Variants in DNAH14 observed in about 807,000 individuals in gnomAD.
The protein encoded by DNAH14 is dynein axonemal heavy chain 14.
DNAH14 carries 478 observed loss-of-function variants against 520.9 expected under a neutral mutation model. That is an observed-to-expected ratio of 0.92 (90% CI 0.85 to 0.99). The LOEUF is 0.99. Among genes scored for constraint, DNAH14 ranks in the 50% least tolerant of loss-of-function variants. The pLI is 0.00. For synonymous variants in DNAH14, 1,581 were observed against 1,757.2 expected (o/e 0.90, Z 2.51); for missense variants, 4,831 against 5,234.5 (o/e 0.92, Z 2.38).
Position 225,152,751 on chromosome 1 carries a change from G to A in DNAH14, c.5064G>A (p.Val1688=), listed in dbSNP as rs1200003533. The A allele has an allele frequency of 6.4e-7, 1 of 1,551,288 alleles. No homozygotes were observed. The highest frequency in any genetic ancestry group is 8.7e-7 in the Non-Finnish European group (1 of 1,146,790). The change falls in exon 33 of 86, where the codon GTG becomes GTA. Residue 1688 remains valine (V), a synonymous_variant. Transcript: ENST00000682510. ...PDNLKSLFRP[V]AMMVPHYQMI... is the part of the protein sequence containing the mutation. The stretch of plus-strand genomic sequence containing the variant: ...ACTTAAAATCTCTGTTTCGCCCAGT[G>A]GCAATGATGGTGCCCCATTATCAAA...
chr1:225,258,488 CTATCTTTTACCAT>C (rs1198977952), intron 45 of DNAH14, among the ~76,000 whole-genome samples: 1 of 152,118 alleles, frequency 6.6e-6, no homozygotes, highest in Non-Finnish European at 1.5e-5. Context: ...TAAGATTTTT[CTATCTTTTACCAT>C]TATCAAAATA....
intron 34 of DNAH14, among the ~76,000 whole-genome samples, chr1:225,154,371 T>C (rs2080822432): frequency 6.6e-6 from 1 of 152,118 alleles, no homozygotes; most frequent in Admixed American, 6.5e-5. Flanking sequence ...TTGGGCAAGC[T>C]GGTCCTAAAG....
At chr1:225,223,171 A>G (rs1414919414) in intron 41 of DNAH14, among the ~76,000 whole-genome samples, 3 of 152,204 alleles carry the variant, frequency 2.0e-5, no homozygotes, top group Non-Finnish European at 4.4e-5. Flanking sequence ...GTCTTAGGCA[A>G]GCGACATTAG....
chr1:225,188,985 G>A (rs567000802), intron 37 of DNAH14, among the ~76,000 whole-genome samples: 3 of 151,928 alleles, frequency 2.0e-5, no homozygotes, highest in African/African-American at 7.2e-5. Flanking sequence ...ATGGTGCTGA[G>A]TTTGATAAAT....
intron 17 of DNAH14, among the ~76,000 whole-genome samples, chr1:225,074,417 G>A (rs958481637): frequency 1.3e-5 from 2 of 152,208 alleles, no homozygotes; most frequent in East Asian, 1.9e-4. Context: ...ACTTAATGAA[G>A]CAGTCTGGTC....
chr1:225,259,050 G>T (rs1393348335), intron 45 of DNAH14, 71 bp from the exon 46 acceptor site: 41 of 1,384,168 alleles, frequency 3.0e-5, no homozygotes, highest in Non-Finnish European at 3.6e-5. Flanking sequence ...AATGTTATTG[G>T]TTCATTTTAA....
chr1:225,035,141 G>C (rs1208788474), intron 11 of DNAH14, among the ~76,000 whole-genome samples: 1 of 151,962 alleles, frequency 6.6e-6, no homozygotes, highest in African/African-American at 2.4e-5. Flanking sequence ...TTAGTGGCAG[G>C]TAGGTTGTAT....
intron 50 of DNAH14, 41 bp downstream of exon 50, chr1:225,270,907 C>T (rs1156732883): frequency 2.0e-6 from 3 of 1,518,062 alleles, no homozygotes; most frequent in East Asian, 4.9e-5. Flanking sequence ...AAAATTAATT[C>T]CCTAGAATAA....
At chr1:225,259,311 A>AT in intron 46 of DNAH14, 58 bp downstream of exon 46, 1 of 1,219,606 alleles carries the variant, frequency 8.2e-7, no homozygotes, top group Non-Finnish European at 1.1e-6. Flanking sequence ...GTGCTTTAAT[A>AT]TATAAATATG....
At chr1:225,149,858 C>T (rs1163070942) in intron 31 of DNAH14, among the ~76,000 whole-genome samples, 1 of 152,082 alleles carries the variant, frequency 6.6e-6, no homozygotes, top group African/African-American at 2.4e-5. Context: ...AGGGATAGTT[C>T]GACTTCCTCT....
chr1:224,932,470 G>C (rs1005938236), intron 1 of DNAH14, among the ~76,000 whole-genome samples: 3 of 151,920 alleles, frequency 2.0e-5, no homozygotes, highest in African/African-American at 7.2e-5. Context: ...AGTCCGATTT[G>C]TCTATTTTTA....
intron 27 of DNAH14, among the ~76,000 whole-genome samples, chr1:225,134,408 C>A (rs758233818): frequency 1.3e-5 from 2 of 152,012 alleles, no homozygotes; most frequent in Non-Finnish European, 2.9e-5. Flanking sequence ...CCTCTAATAC[C>A]TAATTTATTG....
At chr1:225,040,174 C>T (rs955059164) in intron 12 of DNAH14, among the ~76,000 whole-genome samples, 2 of 151,928 alleles carry the variant, frequency 1.3e-5, no homozygotes, top group African/African-American at 2.4e-5. Context: ...CTCCTGACCT[C>T]GTGATCTGCC....
In DNAH14 at chr1:225,374,311, G is replaced by A. The variant is rs2095668074; in HGVS notation, c.12319-377G>A. Among the ~76,000 whole-genome samples the A allele has an allele frequency of 2.1e-5, 3 of 144,038 alleles. No individual in the cohort carries two copies. In the South Asian group the frequency reaches 6.8e-4, roughly 32 times the overall value. 94.5% of individuals were successfully genotyped at this position (144,038 alleles called of 152,430 possible). A position where few individuals can be genotyped will look rare whatever the true frequency, so the allele number is the denominator to read the frequency against. On this transcript the variant is annotated intron_variant, in intron 77 of 85. Transcript: ENST00000682510. ...GAGTCTCACTCTGTCGCCCAGGCTG[G>A]AGTACAGCGGCCTGATCTCAGCTCA... is the stretch of plus-strand genomic sequence containing the variant.
At position 225,331,389 on chromosome 1, in the gene DNAH14, A is replaced by G. The variant is rs1324347499; in HGVS notation, c.9724-48A>G. On this transcript the variant is annotated intron_variant, in intron 64 of 85. Coordinates refer to ENST00000682510, the MANE Select transcript of DNAH14 (RefSeq NM_001367479.1). ...AAATGACAGCTAAAGTCTTGAAGCA[A>G]AATGAGAGTAAGATATTTTTCTCAA... The G allele has an allele frequency of 2.0e-6, 3 of 1,526,220 alleles. No homozygotes were observed. In the Admixed American group the frequency reaches 6.3e-5, roughly 32 times the overall value. 94.5% of individuals were successfully genotyped at this position (1,526,220 alleles called of 1,614,324 possible). A position where few individuals can be genotyped will look rare whatever the true frequency, so the allele number is the denominator to read the frequency against.
At position 225,007,482 on chromosome 1, in the gene DNAH14, T is replaced by C. The variant is rs768284381; in HGVS notation, c.1045T>C (p.Leu349=). The C allele has an allele frequency of 2.6e-5, 40 of 1,541,392 alleles. No homozygotes were observed. In the African/African-American group the frequency reaches 5.0e-4, roughly 19 times the overall value. The change falls in exon 10 of 86, where the codon TTG becomes CTG. Residue 349 remains leucine, a synonymous_variant. Transcript: ENST00000682510. The part of the protein sequence containing the change: ...EEQLQQATQA[L]KQLEDIRNKA... ...GCAGTTACAGCAAGCTACCCAGGCA[T>C]TGAAACAACTTGAGGACATCAGGAA...
At chr1:225,360,295 C>T (rs543051790) in intron 74 of DNAH14, among the ~76,000 whole-genome samples, 16 of 152,318 alleles carry the variant, frequency 1.1e-4, no homozygotes, top group Non-Finnish European at 2.2e-4. Context: ...GAGTATTACA[C>T]AACACTTTTG....
At chr1:225,307,333 CAGTCTTGCATCTCT>C in intron 58 of DNAH14, 114 bp from the exon 59 acceptor site, 1 of 653,280 alleles carries the variant, frequency 1.5e-6, no homozygotes, top group East Asian at 3.0e-5. Flanking sequence ...AATAGTGAGC[CAGTCTTGCATCTCT>C]AGAATAAAAT....
intron 1 of DNAH14, among the ~76,000 whole-genome samples, chr1:224,950,980 A>G (rs1041272898): frequency 2.0e-5 from 3 of 152,108 alleles, no homozygotes; most frequent in Middle Eastern, 3.2e-3. Flanking sequence ...AATAGCCTCA[A>G]TTTTGCCTTT....
Sources: gnomAD v4.1 joint callset for allele counts (sites outside exome capture counted in the v4.1 genomes callset) on GRCh38, gnomAD v4.1.1 for gene constraint, MANE v1.5 for transcripts, NCBI Gene and HGNC (gene_info 2026-07-23, HGNC 2026-07-21) for gene names.